TNR: variants seen among roughly 807,000 people sequenced by gnomAD.
TNR encodes the protein tenascin-R.
In TNR, 45 loss-of-function variants were observed where a neutral mutation model predicts 150.4. The ratio of observed to expected loss-of-function variants is 0.30; its 90% CI spans 0.24 to 0.38. TNR has a LOEUF of 0.38. Among genes scored for constraint, TNR ranks in the 10% least tolerant of loss-of-function variants. TNR has a pLI of 1.00. For missense variants in TNR, 1,544 were observed against 1,759.1 expected (o/e 0.88, Z 2.19); for synonymous variants, 687 against 678.4 (o/e 1.01, Z -0.20).
At chr1:175,460,755 A>C (rs576186553) in intron 2 of TNR, among the ~76,000 whole-genome samples, 11 of 152,296 alleles carry the variant, frequency 7.2e-5, no homozygotes, top group Non-Finnish European at 1.3e-4. Context: ...TGCTGCAGTT[A>C]GGTTTTCTGA....
At chr1:175,702,679 G>A (rs1044987935) in intron 1 of TNR, among the ~76,000 whole-genome samples, 21 of 152,294 alleles carry the variant, frequency 1.4e-4, no homozygotes, top group African/African-American at 2.9e-4. Flanking sequence ...ATTTCCATCC[G>A]AATGGCAGTG....
At chr1:175,604,213 A>G (rs937531278) in intron 1 of TNR, among the ~76,000 whole-genome samples, 4 of 152,140 alleles carry the variant, frequency 2.6e-5, no homozygotes, top group Admixed American at 2.0e-4. Context: ...AGCCAGCTAC[A>G]TTAATCACAC....
chr1:175,650,628 C>G (rs1367971431), intron 1 of TNR, among the ~76,000 whole-genome samples: 1 of 149,786 alleles, frequency 6.7e-6, no homozygotes, highest in Non-Finnish European at 1.5e-5. Flanking sequence ...CCTCCTCCCC[C>G]ACCTCAATAT....
At chr1:175,415,520 G>A (rs537030404) in intron 2 of TNR, among the ~76,000 whole-genome samples, 2 of 152,356 alleles carry the variant, frequency 1.3e-5, no homozygotes, top group East Asian at 1.9e-4. Flanking sequence ...CCCTGACCAC[G>A]TGCTGTTTGA....
chr1:175,529,283 G>C (rs1340552811), intron 1 of TNR, among the ~76,000 whole-genome samples: 2 of 152,232 alleles, frequency 1.3e-5, no homozygotes, highest in African/African-American at 4.8e-5. Context: ...GGCGACATCT[G>C]AGAGAGGAAG....
chr1:175,473,786 T>C (rs1225690044), intron 2 of TNR, among the ~76,000 whole-genome samples: 1 of 152,242 alleles, frequency 6.6e-6, no homozygotes. Flanking sequence ...CACTCTTTAA[T>C]GTACAATCTA....
chr1:175,591,665 A>G (rs536684204), intron 1 of TNR, among the ~76,000 whole-genome samples: 1 of 152,228 alleles, frequency 6.6e-6, no homozygotes, highest in East Asian at 1.9e-4. Context: ...AAGTCAGCCA[A>G]TGTGGTTTTG....
At chr1:175,582,794 AC>A (rs1662408832) in intron 1 of TNR, among the ~76,000 whole-genome samples, 1 of 152,178 alleles carries the variant, frequency 6.6e-6, no homozygotes, top group African/African-American at 2.4e-5. Context: ...AAGAGGTGGA[AC>A]CTTTACAAGG....
intron 2 of TNR, among the ~76,000 whole-genome samples, chr1:175,459,881 G>T (rs1656739786): frequency 6.6e-6 from 1 of 152,190 alleles, no homozygotes; most frequent in African/African-American, 2.4e-5. Context: ...AAGAGAGAGA[G>T]AGAGAGAGAG....
intron 1 of TNR, among the ~76,000 whole-genome samples, chr1:175,646,971 C>A (rs998308768): frequency 6.6e-6 from 1 of 152,214 alleles, no homozygotes; most frequent in Non-Finnish European, 1.5e-5. Flanking sequence ...CAGGAGCTGA[C>A]CCCATCTTTC....
At chr1:175,331,053 CTTTCTTTCTTTCT>C (rs1649790137) in intron 20 of TNR, among the ~76,000 whole-genome samples, 1 of 113,246 alleles carries the variant, frequency 8.8e-6, no homozygotes, top group Non-Finnish European at 1.9e-5. Flanking sequence ...TTCTTTCTTT[CTTTCTTTCTTTCT>C]TTCTTTCTTT....
At chr1:175,705,252 T>TA (rs1666814622) in intron 1 of TNR, among the ~76,000 whole-genome samples, 1 of 152,176 alleles carries the variant, frequency 6.6e-6, no homozygotes, top group Admixed American at 6.5e-5. Flanking sequence ...GAAGGAGGTA[T>TA]AATAAAGCCT....
chr1:175,715,907 T>G (rs1667145484), intron 1 of TNR, among the ~76,000 whole-genome samples: 1 of 152,190 alleles, frequency 6.6e-6, no homozygotes, highest in Admixed American at 6.5e-5. Flanking sequence ...AGAGCTGGGA[T>G]GCAACTGCCC....
chr1:175,502,844 G>A (rs1488791671), intron 2 of TNR, among the ~76,000 whole-genome samples: 1 of 152,166 alleles, frequency 6.6e-6, no homozygotes, highest in Non-Finnish European at 1.5e-5. Flanking sequence ...GGGTGGGAGA[G>A]ATCAGAAGGT....
At chr1:175,484,203 C>G (rs537897636) in intron 2 of TNR, among the ~76,000 whole-genome samples, 3 of 152,330 alleles carry the variant, frequency 2.0e-5, no homozygotes, top group East Asian at 3.8e-4. Context: ...AAAACCATCT[C>G]TATGCTAATT....
rs1466131278 is a variant in TNR, at chr1:175,718,830, T to G, written c.-165+24396A>C. Among the ~76,000 whole-genome samples the G allele has an allele frequency of 2.0e-5, 3 of 152,112 alleles. No homozygotes were observed. In the East Asian group the frequency reaches 5.8e-4, roughly 29 times the overall value. On this transcript the variant is annotated intron_variant, in intron 1 of 22. Transcript: ENST00000367674. Reference sequence around the variant, plus strand: ...GGCCAAGGCAAGCCTAGAATGCAAGTTTTCCGACTCCATCCAGTGCTTCTC... The same window carrying G: ...GGCCAAGGCAAGCCTAGAATGCAAGGTTTCCGACTCCATCCAGTGCTTCTC...
intron 2 of TNR, among the ~76,000 whole-genome samples, chr1:175,466,758 T>C (rs1210470866): frequency 6.6e-6 from 1 of 152,198 alleles, no homozygotes; most frequent in Non-Finnish European, 1.5e-5. Flanking sequence ...CCAGATTGCC[T>C]ACTGCAACCT....
At chr1:175,393,689 G>A (rs1036385610) in intron 6 of TNR, 91 bp downstream of exon 6, 1 of 988,816 alleles carries the variant, frequency 1.0e-6, no homozygotes, top group Non-Finnish European at 1.6e-6. Flanking sequence ...GAGAGATATT[G>A]GGTAGCACTT....
chr1:175,619,666 G>T (rs535233354), intron 1 of TNR, among the ~76,000 whole-genome samples: 28 of 152,326 alleles, frequency 1.8e-4, no homozygotes, highest in Non-Finnish European at 2.8e-4. Context: ...TATAGATGAG[G>T]TAATAGAGTT....
Sources: gnomAD v4.1 joint callset for allele counts (sites outside exome capture counted in the v4.1 genomes callset) on GRCh38, gnomAD v4.1.1 for gene constraint, MANE v1.5 for transcripts, NCBI Gene and HGNC (gene_info 2026-07-23, HGNC 2026-07-21) for gene names.